The following GRIK2 variants were observed in gnomAD, a reference collection of about 807,000 sequenced individuals.
GRIK2 encodes glutamate receptor ionotropic, kainate 2.
In GRIK2, 32 loss-of-function variants were observed where a neutral mutation model predicts 100.3. That is an observed-to-expected ratio of 0.32 (90% CI 0.24 to 0.43). The LOEUF (loss-of-function observed/expected upper bound fraction) is 0.43, where lower values mean the gene tolerates loss of function less well. Ranked by LOEUF, GRIK2 falls within the 20% of genes least tolerant of loss-of-function variation. The pLI is 1.00. For missense variants in GRIK2, 843 were observed against 1,114.9 expected (o/e 0.76, Z 3.47); for synonymous variants, 417 against 389.4 (o/e 1.07, Z -0.83).
intron 7 of GRIK2, among the ~76,000 whole-genome samples, chr6:101,750,442 A>T (rs1776716206): frequency 6.6e-6 from 1 of 152,192 alleles, no homozygotes; most frequent in Admixed American, 6.5e-5. Flanking sequence ...CCATTCAATC[A>T]TACTCATTGG....
At chr6:101,557,988 T>G (rs1776826176) in intron 2 of GRIK2, among the ~76,000 whole-genome samples, 1 of 152,194 alleles carries the variant, frequency 6.6e-6, no homozygotes, top group Admixed American at 6.5e-5. Context: ...ATACCTCAAC[T>G]GCCCTTCGGT....
intron 4 of GRIK2, among the ~76,000 whole-genome samples, chr6:101,636,625 A>T (rs1781032224): frequency 6.6e-6 from 1 of 152,148 alleles, no homozygotes; most frequent in Non-Finnish European, 1.5e-5. Flanking sequence ...CGGAAAGACA[A>T]AAATCAAATT....
intron 4 of GRIK2, among the ~76,000 whole-genome samples, chr6:101,628,179 GA>G (rs2128319281): frequency 6.6e-6 from 1 of 152,104 alleles, no homozygotes; most frequent in East Asian, 1.9e-4. Context: ...ACTCTGTGCA[GA>G]AATTTGCCCA....
At chr6:101,632,674 G>A (rs1232513641) in intron 4 of GRIK2, among the ~76,000 whole-genome samples, 1 of 151,878 alleles carries the variant, frequency 6.6e-6, no homozygotes, top group Non-Finnish European at 1.5e-5. Context: ...ATTCTTATTT[G>A]AGCAATTATT....
At position 101,900,928 on chromosome 6, in the gene GRIK2, G is replaced by A. The variant is rs1424069051; in HGVS notation, c.1748+11065G>A. The stretch of plus-strand genomic sequence containing the variant: ...CTTGTTTTTTTTTTTCTTAAAAAAA[G>A]CATAGTTTTATTTTTTATTATTAGA... On this transcript the variant is annotated intron_variant, in intron 12 of 16. Coordinates refer to ENST00000369134, the MANE Select transcript of GRIK2 (RefSeq NM_021956.5). 4.7e-5 allele frequency among the ~76,000 whole-genome samples: 7 copies of A among 149,832 alleles called. No homozygotes were observed. In the Admixed American group the frequency reaches 4.7e-4, roughly 10 times the overall value.
chr6:101,977,695 G>A (rs1037304114), intron 14 of GRIK2, among the ~76,000 whole-genome samples: 1 of 151,896 alleles, frequency 6.6e-6, no homozygotes, highest in Non-Finnish European at 1.5e-5. Context: ...CTGCTTCCAC[G>A]GAGGATTTTC....
intron 12 of GRIK2, among the ~76,000 whole-genome samples, chr6:101,901,241 T>C (rs912993310): frequency 6.6e-6 from 1 of 152,066 alleles, no homozygotes; most frequent in South Asian, 2.1e-4. Flanking sequence ...TTCCTTACTA[T>C]TCTCAATTTA....
At chr6:101,649,727 C>A (rs1781700826) in intron 4 of GRIK2, among the ~76,000 whole-genome samples, 1 of 152,046 alleles carries the variant, frequency 6.6e-6, no homozygotes, top group African/African-American at 2.4e-5. Context: ...AAGGCACCAG[C>A]AGTGTTACTG....
At chr6:101,793,536 G>A (rs912230577) in intron 7 of GRIK2, among the ~76,000 whole-genome samples, 15 of 152,236 alleles carry the variant, frequency 9.9e-5, no homozygotes, top group South Asian at 4.1e-4. Flanking sequence ...TTCTTGTACC[G>A]CGAATGCTGC....
At chr6:101,623,047 G>A (rs899832391) in intron 3 of GRIK2, among the ~76,000 whole-genome samples, 4 of 151,970 alleles carry the variant, frequency 2.6e-5, no homozygotes, top group Non-Finnish European at 5.9e-5. Flanking sequence ...CTTATAAAGT[G>A]TTTGTTCTAA....
chr6:101,748,670 A>T (rs1403811188), intron 7 of GRIK2, among the ~76,000 whole-genome samples: 1 of 152,064 alleles, frequency 6.6e-6, no homozygotes, highest in Non-Finnish European at 1.5e-5. Flanking sequence ...GATACTCTAC[A>T]GCTGTTGAAA....
intron 14 of GRIK2, among the ~76,000 whole-genome samples, chr6:101,964,582 T>C (rs1370474237): frequency 2.6e-5 from 4 of 151,898 alleles, no homozygotes; most frequent in Non-Finnish European, 2.9e-5. Flanking sequence ...ACAGGAAAGG[T>C]GTTTATATTG....
At chr6:101,824,013 A>C (rs139038604) in intron 10 of GRIK2, among the ~76,000 whole-genome samples, 3 of 151,598 alleles carry the variant, frequency 2.0e-5, no homozygotes, top group African/African-American at 4.8e-5. Flanking sequence ...GATTACAAGC[A>C]CTGCCACCAT....
At chr6:101,440,940 TA>T (rs1183034554) in intron 2 of GRIK2, among the ~76,000 whole-genome samples, 1 of 151,866 alleles carries the variant, frequency 6.6e-6, no homozygotes, top group African/African-American at 2.4e-5. Context: ...AGGAGAGTGT[TA>T]GATGGTCTAT....
chr6:101,523,734 T>TTTTTTTTTTTTTTTTTC (rs1775003810), intron 2 of GRIK2, among the ~76,000 whole-genome samples: 1 of 149,980 alleles, frequency 6.7e-6, no homozygotes, highest in South Asian at 2.1e-4. Context: ...TTTTTTTTTT[T>TTTTTTTTTTTTTTTTTC]TTTTTGATGG....
chr6:101,766,215 T>C (rs562721059), intron 7 of GRIK2, among the ~76,000 whole-genome samples: 1 of 152,158 alleles, frequency 6.6e-6, no homozygotes, highest in Non-Finnish European at 1.5e-5. Context: ...TTCGGTATGT[T>C]TGGGCTTTTG....
intron 7 of GRIK2, among the ~76,000 whole-genome samples, chr6:101,755,085 T>C (rs1045657649): frequency 6.6e-6 from 1 of 151,334 alleles, no homozygotes; most frequent in African/African-American, 2.4e-5. Flanking sequence ...AGAAAAGACA[T>C]GAAAACAAGT....
At chr6:101,421,422 G>T (rs1776406715) in intron 2 of GRIK2, among the ~76,000 whole-genome samples, 1 of 152,178 alleles carries the variant, frequency 6.6e-6, no homozygotes, top group South Asian at 2.1e-4. Context: ...GGGAATGAAG[G>T]CAATGTGGGA....
chr6:101,420,971 T>C (rs1422628779), intron 2 of GRIK2, among the ~76,000 whole-genome samples: 2 of 152,112 alleles, frequency 1.3e-5, no homozygotes, highest in South Asian at 2.1e-4. Context: ...GGAAAAGACA[T>C]GGGGCCAGTG....
Sources: gnomAD v4.1 joint callset for allele counts (sites outside exome capture counted in the v4.1 genomes callset) on GRCh38, gnomAD v4.1.1 for gene constraint, MANE v1.5 for transcripts, NCBI Gene and HGNC (gene_info 2026-07-23, HGNC 2026-07-21) for gene names.